Variants in NAGPA observed in about 807,000 individuals in gnomAD.
NAGPA encodes alpha-N-acetylglucosaminyl phosphodiesterase.
NAGPA carries 56 observed loss-of-function variants against 48.5 expected under a neutral mutation model. That is an observed-to-expected ratio of 1.15 (90% confidence interval 0.93 to 1.44). The LOEUF (loss-of-function observed/expected upper bound fraction) is 1.44, where lower values mean the gene tolerates loss of function less well. Ranked by LOEUF, NAGPA falls within the 40% of genes most tolerant of loss-of-function variation. The pLI is 0.00. For missense variants in NAGPA, 888 were observed against 735.0 expected (o/e 1.21, Z -2.41); for synonymous variants, 399 against 315.5 (o/e 1.26, Z -2.81).
intron 4 of NAGPA, chr16:5,029,807 CCA>C (rs1212422427): frequency 6.2e-6 from 1 of 160,874 alleles, no homozygotes; most frequent in Non-Finnish European, 1.4e-5. Flanking sequence ...GCCCGTAATC[CCA>C]GTTACCTGGG....
chr16:5,030,913 C>G (rs369488442), intron 3 of NAGPA: 10 of 250,900 alleles, frequency 4.0e-5, no homozygotes, highest in African/African-American at 2.3e-4. Context: ...CTTAGTGAGG[C>G]CTTCCTTGAC....
rs1323083148 is a variant in NAGPA at position 5,031,953 on chromosome 16, C to T, written c.543-69G>A. On this transcript the variant is annotated intron_variant, in intron 2 of 9. Transcript: ENST00000312251. ...ACTGCAGATAGTCAGGCTCTTTCTC[C>T]CTAGCCATCCCAACCTGGCTGCTAG... 2.5e-5 allele frequency: 40 copies of T among 1,606,152 alleles called. No homozygotes were observed. The South Asian group carries it at 4.1e-4, about 16-fold the overall frequency.
Position 5,031,925 on chromosome 16 carries a change from G to C in NAGPA, c.543-41C>G, listed in dbSNP as rs962959174. ...GTGGGAAGCTCACTCACCAGCAGGG[G>C]CAACTGCAGATAGTCAGGCTCTTTC... On this transcript the variant is annotated intron_variant, in intron 2 of 9. Transcript: ENST00000312251. The C allele has an allele frequency of 1.9e-6, 3 of 1,613,296 alleles. No homozygotes were observed. In the African/African-American group the frequency reaches 4.0e-5, roughly 22 times the overall value.
chr16:5,032,362 A>T (rs1378856446), intron 2 of NAGPA, among the ~76,000 whole-genome samples: 1 of 152,140 alleles, frequency 6.6e-6, no homozygotes, highest in Non-Finnish European at 1.5e-5. Context: ...AATAATTCAA[A>T]TCATCAATCT....
intron 9 of NAGPA, 24 bp from the exon 10 acceptor site, chr16:5,025,709 A>G: frequency 2.5e-6 from 4 of 1,575,746 alleles, no homozygotes; most frequent in South Asian, 1.1e-5. Flanking sequence ...AGAAGCCCCA[A>G]GTGGGGGACT....
At chr16:5,031,558 T>G (rs1956096431) in intron 3 of NAGPA, 187 bp downstream of exon 3, 5 of 773,806 alleles carry the variant, frequency 6.5e-6, no homozygotes, top group African/African-American at 1.7e-5. Context: ...CAGCATATTC[T>G]ATAACTATTT....
Position 5,031,807 on chromosome 16 carries a change from CGA to C in NAGPA, c.618_619del (p.Ile206MetfsTer2), listed in dbSNP as rs1567141658. On this transcript the variant is annotated frameshift_variant, in exon 3 of 10. Transcript: ENST00000312251. LOFTEE classifies it high-confidence loss of function. ...CTCGTTGATGTAGATGCTTCCATTA[CGA>C]ATCAGCCACACGACCCCACTCAGCA... 1.2e-6 allele frequency: 2 copies of C among 1,614,126 alleles called. No individual in the cohort carries two copies. Among genetic ancestry groups the C allele is most frequent in the Non-Finnish European group, 1.7e-6 (2 of 1,180,018 alleles).
At position 5,027,834 on chromosome 16, in the gene NAGPA, G is replaced by T. The variant is rs1193532821; in HGVS notation, c.1174+12C>A. 1 of 1,555,058 alleles carries T rather than the reference G, an allele frequency of 6.4e-7. No homozygotes were observed. Among genetic ancestry groups the T allele is most frequent in the Admixed American group, 1.9e-5 (1 of 51,434 alleles). On this transcript the variant is annotated intron_variant, in intron 7 of 9. Transcript: ENST00000312251. The stretch of plus-strand genomic sequence containing the variant: ...CCGTCTCCCCATCCGCTAGTGGCGT[G>T]GCAGCTCCTACCTTCACTGCAGTTG...
intron 2 of NAGPA, among the ~76,000 whole-genome samples, chr16:5,032,780 T>C (rs1567142413): frequency 6.6e-6 from 1 of 152,072 alleles, no homozygotes; most frequent in Non-Finnish European, 1.5e-5. Context: ...TCTGAGCCTT[T>C]GTGCGTGGGG....
In NAGPA at chr16:5,033,084, C is replaced by G; in HGVS notation, c.542+189G>C. 1.4e-6 allele frequency: 1 copy of G among 707,446 alleles called. No homozygotes were observed. The allele number at this position is 707,446 out of a possible 1,614,324, so 43.8% of individuals were successfully genotyped here. ...ATCTCACCGGGGCGCGGCACATTGC[C>G]TGATACAAGCAAGTGCTCAATGATA... On this transcript the variant is annotated intron_variant, in intron 2 of 9. Coordinates refer to ENST00000312251, the MANE Select transcript of NAGPA (RefSeq NM_016256.4). This position sits in a 1 kb window ranked among gnomAD's most constrained non-coding sequence, Gnocchi z 4.2.
intron 4 of NAGPA, 139 bp downstream of exon 4, chr16:5,030,246 G>GCCC: frequency 1.3e-6 from 1 of 767,382 alleles, no homozygotes; most frequent in Non-Finnish European, 2.2e-6. Flanking sequence ...GTGGGAAGGT[G>GCCC]AGGGGGCCCT....
Position 5,033,894 on chromosome 16 carries a change from G to A in NAGPA, c.21C>T (p.Arg7=). The change falls in exon 1 of 10, where the codon CGC becomes CGT. Residue 7 remains arginine, a synonymous_variant. Coordinates refer to ENST00000312251, the MANE Select transcript of NAGPA (RefSeq NM_016256.4). This position sits in a 1 kb window ranked among gnomAD's most constrained non-coding sequence, Gnocchi z 4.2. MATSTG[R]WLLLRLALFG... ...ATAGTGCAAGCCGGAGGAGAAGCCAGCGACCCGTGGAGGTCGCCATATTGG... is the reference window on the plus strand; with the variant it reads ...ATAGTGCAAGCCGGAGGAGAAGCCAACGACCCGTGGAGGTCGCCATATTGG... 6.5e-7 allele frequency: 1 copy of A among 1,549,258 alleles called. No individual in the cohort carries two copies. Among genetic ancestry groups the A allele is most frequent in the South Asian group, 1.2e-5 (1 of 83,986 alleles).
At position 5,025,687 on chromosome 16, in the gene NAGPA, T is replaced by G. The variant is rs777105709; in HGVS notation, c.1341-2A>C. 2 of 1,598,484 alleles carry G rather than the reference T, an allele frequency of 1.3e-6. No homozygotes were observed. The highest frequency in any genetic ancestry group is 3.5e-5 in the Admixed American group (2 of 56,716). On this transcript the variant is annotated splice_acceptor_variant, in intron 9 of 9. Transcript: ENST00000312251. LOFTEE classifies it high-confidence loss of function. The stretch of plus-strand genomic sequence containing the variant: ...AGGGTGAGGGCTAGCCAGGCGGTCC[T>G]GCAGACAGGAGAGAAGCCCCAAGTG...
At chr16:5,028,850 C>T (rs1241552615) in intron 5 of NAGPA, 30 bp downstream of exon 5, 1 of 1,613,714 alleles carries the variant, frequency 6.2e-7, no homozygotes, top group Non-Finnish European at 8.5e-7. Flanking sequence ...TGGACTTCAG[C>T]CCTCACGAAG....
At chr16:5,025,733 A>C (rs1955989041) in intron 9 of NAGPA, 48 bp from the exon 10 acceptor site, 1 of 1,550,202 alleles carries the variant, frequency 6.5e-7, no homozygotes, top group Non-Finnish European at 8.7e-7. Flanking sequence ...GGGTGGGCTC[A>C]GGGCTTGGGT....
Position 5,028,868 on chromosome 16 carries a change from T to C in NAGPA, c.920+12A>G. ...ACTTCAGCCCTCACGAAGGCGGCTC[T>C]CACGTGCTTACCAGTGATCTGACGG... On this transcript the variant is annotated intron_variant, in intron 5 of 9. Transcript: ENST00000312251. The C allele has an allele frequency of 6.2e-7, 1 of 1,613,962 alleles. No individual in the cohort carries two copies. The highest frequency in any genetic ancestry group is 1.6e-4 in the Middle Eastern group (1 of 6,062).
intron 5 of NAGPA, 80 bp from the exon 6 acceptor site, chr16:5,028,265 CT>C: frequency 1.3e-6 from 2 of 1,547,904 alleles, no homozygotes; most frequent in African/African-American, 1.4e-5. Context: ...CCAACCACCC[CT>C]CTCTCCATTC....
intron 5 of NAGPA, chr16:5,028,586 G>A (rs1457400307): frequency 1.8e-6 from 1 of 552,108 alleles, no homozygotes; most frequent in Non-Finnish European, 3.3e-6. Context: ...TCCCAGCCCT[G>A]GGCCTTTCAC....
intron 9 of NAGPA, among the ~76,000 whole-genome samples, chr16:5,026,701 G>A (rs989506613): frequency 2.6e-5 from 4 of 152,120 alleles, no homozygotes; most frequent in East Asian, 1.9e-4. Flanking sequence ...TGTGCACCTC[G>A]TCTGTGCAAA....
Sources: gnomAD v4.1 joint callset for allele counts (sites outside exome capture counted in the v4.1 genomes callset) on GRCh38, gnomAD v4.1.1 for gene constraint, Gnocchi (gnomAD v3.1) non-coding constraint, MANE v1.5 for transcripts, NCBI Gene and HGNC (gene_info 2026-07-23, HGNC 2026-07-21) for gene names.